The following TRIO variants were observed in gnomAD, a reference collection of about 807,000 sequenced individuals.
TRIO encodes trio Rho guanine nucleotide exchange factor.
TRIO carries 58 observed loss-of-function variants against 351.9 expected under a neutral mutation model. The ratio of observed to expected loss-of-function variants is 0.16; its 90% CI spans 0.13 to 0.21. The LOEUF (loss-of-function observed/expected upper bound fraction) is 0.21. Among genes scored for constraint, TRIO ranks in the 10% least tolerant of loss-of-function variants. The pLI is 1.00. For missense variants in TRIO, 3,201 were observed against 4,027.8 expected (o/e 0.79, Z 5.56); for synonymous variants, 1,758 against 1,595.7 (o/e 1.10, Z -2.42).
At chr5:14,196,652 C>T (rs535144809) in intron 1 of TRIO, among the ~76,000 whole-genome samples, 49 of 152,256 alleles carry the variant, frequency 3.2e-4, no homozygotes, top group Non-Finnish European at 6.0e-4. Flanking sequence ...GTGCTCTCCC[C>T]GTTTCTTAAG....
chr5:14,323,628 C>T (rs551184335), intron 9 of TRIO, among the ~76,000 whole-genome samples: 119 of 152,362 alleles, frequency 7.8e-4, no homozygotes, highest in South Asian at 1.7e-3. Context: ...TCCCTTGCTT[C>T]GCCGCATGGC....
intron 2 of TRIO, among the ~76,000 whole-genome samples, chr5:14,279,233 T>G (rs973199283): frequency 1.3e-5 from 2 of 152,248 alleles, no homozygotes; most frequent in African/African-American, 4.8e-5. Context: ...GTTTCATTAT[T>G]ATTTAGAATG....
At chr5:14,157,822 A>G (rs1313464838) in intron 1 of TRIO, among the ~76,000 whole-genome samples, 1 of 152,104 alleles carries the variant, frequency 6.6e-6, no homozygotes, top group East Asian at 1.9e-4. Context: ...TCCTGGGCTC[A>G]AGCGATCCAC....
intron 1 of TRIO, among the ~76,000 whole-genome samples, chr5:14,196,422 C>A (rs1414937430): frequency 4.0e-3 from 403 of 101,532 alleles, no homozygotes; most frequent in African/African-American, 4.8e-3. Flanking sequence ...GACTCCGTCT[C>A]AAAAAAAAAA....
In TRIO at chr5:14,461,410, T is replaced by A. The variant is rs1753800664; in HGVS notation, c.5496+99T>A. On this transcript the variant is annotated intron_variant, in intron 35 of 56. Transcript: ENST00000344204. Reference sequence around the variant, plus strand: ...TCTTATGAGTAAACTGGTTTGGTTCTGTTTTCCGCACTTACTCAGAAATTA... The same window carrying A: ...TCTTATGAGTAAACTGGTTTGGTTCAGTTTTCCGCACTTACTCAGAAATTA... 8.7e-6 allele frequency: 12 copies of A among 1,384,970 alleles called. No individual in the cohort carries two copies. The East Asian group carries it at 3.1e-4, about 36-fold the overall frequency. 85.8% of individuals were successfully genotyped at this position (1,384,970 alleles called of 1,614,324 possible).
intron 1 of TRIO, among the ~76,000 whole-genome samples, chr5:14,248,390 A>G (rs1374402637): frequency 6.6e-6 from 1 of 152,244 alleles, no homozygotes; most frequent in Non-Finnish European, 1.5e-5. Context: ...AGTAACATCC[A>G]CTGCCAATTT....
chr5:14,316,204 A>T (rs898897922), intron 8 of TRIO, among the ~76,000 whole-genome samples: 2 of 152,232 alleles, frequency 1.3e-5, no homozygotes, highest in African/African-American at 4.8e-5. Flanking sequence ...TAGTATGCCT[A>T]TTCATTGAGT....
intron 37 of TRIO, among the ~76,000 whole-genome samples, chr5:14,470,410 T>G (rs1037613055): frequency 1.2e-4 from 18 of 152,242 alleles, no homozygotes; most frequent in African/African-American, 4.3e-4. Context: ...TTTTTCCAGT[T>G]CAATCATATC....
At chr5:14,180,099 T>C (rs192275567) in intron 1 of TRIO, among the ~76,000 whole-genome samples, 1,349 of 18,300 alleles carry the variant, frequency 0.074, 9 homozygotes, top group Middle Eastern at 0.21. Flanking sequence ...GGACTCCTGC[T>C]CAAAAAAAAA....
intron 10 of TRIO, among the ~76,000 whole-genome samples, chr5:14,335,790 C>A (rs1167699791): frequency 6.6e-6 from 1 of 151,962 alleles, no homozygotes; most frequent in African/African-American, 2.4e-5. Flanking sequence ...CATTGCAAAC[C>A]CCCATCTCTC....
At position 14,481,588 on chromosome 5, in the gene TRIO, G is replaced by A. The variant is rs925194090; in HGVS notation, c.6435G>A (p.Met2145Ile). The change falls in exon 45 of 57, where the codon ATG (methionine) becomes ATA (isoleucine). Residue 2145 changes from methionine (M) to isoleucine (I), a missense_variant. Transcript: ENST00000344204. ...TAGTACCCAGGCGGTGCAACGACAT[G>A]ATGAACGTGGGGCGGCTGCAAGGAT... Reference protein sequence around the residue: ...MCIVPRRCNDMMNVGRLQGFD... With the variant: ...MCIVPRRCNDIMNVGRLQGFD... 1 of 1,614,096 alleles carries A rather than the reference G, an allele frequency of 6.2e-7. No individual in the cohort carries two copies. Among genetic ancestry groups the A allele is most frequent in the Non-Finnish European group, 8.5e-7 (1 of 1,180,024 alleles).
chr5:14,461,364 T>C (rs1753795984), intron 35 of TRIO, 53 bp downstream of exon 35: 1 of 1,453,490 alleles, frequency 6.9e-7, no homozygotes, highest in Non-Finnish European at 9.0e-7. Context: ...GCTGGGCTTT[T>C]GCTGCAAGAA....
chr5:14,429,022 CG>C (rs1750879205), intron 34 of TRIO, among the ~76,000 whole-genome samples: 1 of 152,206 alleles, frequency 6.6e-6, no homozygotes, highest in African/African-American at 2.4e-5. Context: ...AGTACACAAA[CG>C]GGGTTCCCTT....
intron 1 of TRIO, among the ~76,000 whole-genome samples, chr5:14,173,797 G>C (rs1789248314): frequency 6.6e-6 from 1 of 152,196 alleles, no homozygotes; most frequent in East Asian, 1.9e-4. Flanking sequence ...AGCAGTAACA[G>C]TGATAGAAGA....
intron 33 of TRIO, among the ~76,000 whole-genome samples, 173 bp from the exon 34 acceptor site, chr5:14,419,605 C>T (rs1324485898): frequency 2.6e-5 from 4 of 152,274 alleles, no homozygotes; most frequent in Non-Finnish European, 5.9e-5. Context: ...TTTGGAAGCT[C>T]TTATGAAAAA....
chr5:14,417,780 G>T (rs1003603426), intron 33 of TRIO, among the ~76,000 whole-genome samples: 1 of 152,220 alleles, frequency 6.6e-6, no homozygotes, highest in Non-Finnish European at 1.5e-5. Flanking sequence ...GCTTCGTTTT[G>T]GGTTTTCAAA....
At chr5:14,415,754 A>G (rs1044318558) in intron 33 of TRIO, among the ~76,000 whole-genome samples, 1 of 152,212 alleles carries the variant, frequency 6.6e-6, no homozygotes, top group Non-Finnish European at 1.5e-5. Context: ...CCAATTGTCC[A>G]TATGTCTGGG....
At chr5:14,367,754 G>T (rs1744728027) in intron 16 of TRIO, among the ~76,000 whole-genome samples, 1 of 152,184 alleles carries the variant, frequency 6.6e-6, no homozygotes, top group Non-Finnish European at 1.5e-5. Context: ...GAAAGCTACA[G>T]AAGTTGCCAC....
At chr5:14,329,749 T>C (rs1023057217) in intron 9 of TRIO, among the ~76,000 whole-genome samples, 6 of 152,338 alleles carry the variant, frequency 3.9e-5, no homozygotes, top group Admixed American at 1.3e-4. Flanking sequence ...ACTGACTTAG[T>C]TTTTTGCTGG....
Sources: gnomAD v4.1 joint callset for allele counts (sites outside exome capture counted in the v4.1 genomes callset) on GRCh38, gnomAD v4.1.1 for gene constraint, MANE v1.5 for transcripts, NCBI Gene and HGNC (gene_info 2026-07-23, HGNC 2026-07-21) for gene names.